The following HEATR4 variants were observed in gnomAD, a reference collection of about 807,000 sequenced individuals.
The protein encoded by HEATR4 is HEAT repeat containing 4, also known as HEAT repeat-containing protein 4.
In HEATR4, 95 loss-of-function variants were observed where a neutral mutation model predicts 108.8. That is an observed-to-expected ratio of 0.87 (90% CI 0.74 to 1.04). HEATR4 has a LOEUF of 1.04. HEATR4 is among the 50% of genes least tolerant of loss of function. The pLI, the probability that HEATR4 is intolerant of heterozygous loss-of-function variation, is 0.00. For missense variants in HEATR4, 1,152 were observed against 1,253.8 expected (o/e 0.92, Z 1.23); for synonymous variants, 443 against 459.4 (o/e 0.96, Z 0.46).
the HEATR4 span, chr14:73,595,850 C>A: frequency 2.0e-6 from 1 of 508,740 alleles, no homozygotes; most frequent in Non-Finnish European, 3.2e-6. Context: ...GATTAAGAGG[C>A]ATATGACACA....
chr14:73,623,509 C>T, the HEATR4 span, among the ~76,000 whole-genome samples: 1 of 151,994 alleles, frequency 6.6e-6, no homozygotes, highest in Non-Finnish European at 1.5e-5. Flanking sequence ...AGTAGCAAGA[C>T]CCTGTTTCTA....
chr14:73,559,276 C>T (rs1889466952), upstream of HEATR4, among the ~76,000 whole-genome samples: 1 of 151,646 alleles, frequency 6.6e-6, no homozygotes, highest in Non-Finnish European at 1.5e-5. Context: ...GCCACACCAC[C>T]ATGCCCCACT....
At chr14:73,526,270 C>T (rs1180056214) in intron 2 of HEATR4, among the ~76,000 whole-genome samples, 1 of 152,220 alleles carries the variant, frequency 6.6e-6, no homozygotes, top group Non-Finnish European at 1.5e-5. Flanking sequence ...GGAGAATCCT[C>T]AGGTAGAGTG....
At chr14:73,509,600 A>G (rs1430347215) in intron 7 of HEATR4, 127 bp from the exon 8 acceptor site, 1 of 887,614 alleles carries the variant, frequency 1.1e-6, no homozygotes, top group Non-Finnish European at 1.7e-6. Context: ...TATGTAATAT[A>G]ATTACAGTTT....
rs1335045424 is a variant in HEATR4 at position 73,544,688 on chromosome 14, G to A, written c.-152+14063C>T. ...ATGGTGGCTCACACTTGTAATGCCAGCACTTTGGGAGGCCAACGCTGGTGG... is the reference window on the plus strand; with the variant it reads ...ATGGTGGCTCACACTTGTAATGCCAACACTTTGGGAGGCCAACGCTGGTGG... On this transcript the variant is annotated intron_variant, in intron 1 of 17. Transcript: ENST00000553558. Among the ~76,000 whole-genome samples, 4 of 115,604 alleles carry A rather than the reference G, an allele frequency of 3.5e-5. 1 individual carries two copies. The highest frequency in any genetic ancestry group is 1.1e-4 in the African/African-American group (4 of 35,542). 75.8% of individuals were successfully genotyped at this position (115,604 alleles called of 152,430 possible).
the HEATR4 span, chr14:73,593,590 G>A: frequency 4.1e-6 from 4 of 974,442 alleles, no homozygotes; most frequent in Non-Finnish European, 6.0e-6. Flanking sequence ...CAATCCTCCT[G>A]CCTTGGCCTC....
chr14:73,605,571 T>C, the HEATR4 span, among the ~76,000 whole-genome samples: 2 of 130,500 alleles, frequency 1.5e-5, no homozygotes, highest in Non-Finnish European at 3.2e-5. Flanking sequence ...TTTTTTTTTT[T>C]TTTTTTTTTT....
the HEATR4 span, chr14:73,575,674 T>C: frequency 4.3e-6 from 3 of 694,240 alleles, no homozygotes; most frequent in Non-Finnish European, 7.4e-6. Flanking sequence ...TTTTAAGATT[T>C]TTATAAACTG....
intron 5 of HEATR4, among the ~76,000 whole-genome samples, chr14:73,517,762 GAAAGGAAGGAAAA>G (rs1489615183): frequency 2.7e-5 from 4 of 150,540 alleles, no homozygotes; most frequent in South Asian, 4.2e-4. Flanking sequence ...AAGGGAGAAG[GAAAGGAAGGAAAA>G]AAAGGAAGGG....
the HEATR4 span, chr14:73,575,135 G>C: frequency 7.8e-7 from 1 of 1,286,306 alleles, no homozygotes; most frequent in Non-Finnish European, 1.1e-6. Flanking sequence ...TGGATGTCCT[G>C]AACAGCCCTT....
the HEATR4 span, chr14:73,619,907 TCTTTC>T: frequency 6.8e-7 from 1 of 1,465,262 alleles, no homozygotes; most frequent in Non-Finnish European, 9.0e-7. Flanking sequence ...GGGTTTTCTT[TCTTTC>T]TTTTCTCTTT....
At chr14:73,589,107 T>TAG in the HEATR4 span, among the ~76,000 whole-genome samples, 4 of 151,982 alleles carry the variant, frequency 2.6e-5, no homozygotes, top group African/African-American at 9.7e-5. Context: ...CCCAAATCTC[T>TAG]AGTTTGCTTT....
chr14:73,592,945 A>G, the HEATR4 span, among the ~76,000 whole-genome samples: 5 of 152,230 alleles, frequency 3.3e-5, no homozygotes, highest in Admixed American at 1.3e-4. Flanking sequence ...TAATATCCCA[A>G]TGAAGTTGGT....
chr14:73,599,653 T>C, the HEATR4 span, among the ~76,000 whole-genome samples: 1 of 152,198 alleles, frequency 6.6e-6, no homozygotes, highest in Admixed American at 6.6e-5. Context: ...CAATTCTGCA[T>C]GACCTTTGTT....
chr14:73,586,581 C>T, the HEATR4 span, among the ~76,000 whole-genome samples: 3 of 151,650 alleles, frequency 2.0e-5, no homozygotes, highest in East Asian at 5.8e-4. Context: ...TGGCATGCAC[C>T]TGTAGTTCCA....
At chr14:73,509,892 G>A (rs1352270029) in intron 7 of HEATR4, among the ~76,000 whole-genome samples, 2 of 126,724 alleles carry the variant, frequency 1.6e-5, no homozygotes, top group Non-Finnish European at 3.2e-5. Context: ...TATATTTTTT[G>A]AGACGGAGTC....
intron 1 of HEATR4, among the ~76,000 whole-genome samples, chr14:73,557,826 A>G (rs199663066): frequency 3.5e-5 from 3 of 85,912 alleles, no homozygotes; most frequent in East Asian, 3.9e-4. Flanking sequence ...AGTAGCTGGG[A>G]CCACAGGTGT....
chr14:73,565,359 A>T, the HEATR4 span, among the ~76,000 whole-genome samples: 4 of 151,094 alleles, frequency 2.6e-5, no homozygotes, highest in Admixed American at 2.6e-4. Flanking sequence ...CAGATTTCAA[A>T]GGTATGAACC....
At position 73,504,763 on chromosome 14, in the gene HEATR4, C is replaced by T. The variant is rs140555852; in HGVS notation, c.1986+1704G>A. 1.8e-4 allele frequency among the ~76,000 whole-genome samples: 27 copies of T among 152,184 alleles called. No homozygotes were observed. The East Asian group carries it at 3.5e-3, about 20-fold the overall frequency. On this transcript the variant is annotated intron_variant, in intron 10 of 17. Transcript: ENST00000553558. ...ATCATGGGAATGGCAATGTTCTGGG[C>T]TATTCTGGAGATATCCAAAGTTATA... is the stretch of plus-strand genomic sequence containing the variant.
Sources: allele counts gnomAD v4.1 joint callset (sites outside exome capture counted in the v4.1 genomes callset), GRCh38; gene constraint gnomAD v4.1.1; transcripts MANE v1.5; gene names NCBI Gene and HGNC (gene_info 2026-07-23, HGNC 2026-07-21).